KYAT1: variants seen among roughly 807,000 people sequenced by gnomAD.
The protein encoded by KYAT1 is kynurenine--oxoglutarate transaminase 1.
A neutral mutation model predicts 52.4 loss-of-function variants in KYAT1; 47 were observed. The ratio of observed to expected loss-of-function variants is 0.90; its 90% CI spans 0.71 to 1.14. The LOEUF is 1.14. KYAT1 is among the 50% of genes most tolerant of loss of function. The probability of loss-of-function intolerance (pLI) is 0.00; values close to 1 mark genes in which losing one functional copy is unlikely to be tolerated. For missense variants in KYAT1, 480 were observed against 557.9 expected (o/e 0.86, Z 1.41); for synonymous variants, 212 against 209.6 (o/e 1.01, Z -0.10).
In KYAT1 at chr9:128,836,099, G is replaced by T. The variant is rs368544849; in HGVS notation, c.689-26C>A. The stretch of plus-strand genomic sequence containing the variant: ...CTGCCCAAGGCCGAACAGAACAGCT[G>T]CTGAGACTGGGGTGAGGGGGACGGG... On this transcript the variant is annotated intron_variant, in intron 7 of 12. Transcript: ENST00000302586. The T allele has an allele frequency of 1.9e-6, 3 of 1,610,254 alleles. No individual in the cohort carries two copies. The African/African-American group carries it at 4.0e-5, about 21-fold the overall frequency.
chr9:128,863,763 C>G (rs893293022), intron 1 of KYAT1, among the ~76,000 whole-genome samples: 6 of 152,170 alleles, frequency 3.9e-5, no homozygotes, highest in African/African-American at 1.4e-4. Context: ...CGCAAGGAGC[C>G]AGGCCCCTCG....
intron 1 of KYAT1, among the ~76,000 whole-genome samples, chr9:128,861,128 C>A (rs932175502): frequency 6.6e-6 from 1 of 152,204 alleles, no homozygotes; most frequent in Non-Finnish European, 1.5e-5. Flanking sequence ...AAACGCAATA[C>A]AATGAAGTGT....
intron 1 of KYAT1, among the ~76,000 whole-genome samples, chr9:128,846,055 C>T (rs939323231): frequency 1.3e-5 from 2 of 152,232 alleles, no homozygotes; most frequent in African/African-American, 2.4e-5. Flanking sequence ...CGGAGGGTCC[C>T]GGGGTCCTGG....
chr9:128,836,783 C>G lies in KYAT1; in HGVS notation c.688+19G>C, dbSNP rs769978977. ...CCCACCAATGTGCAGGGGAGGGGCC[C>G]CAGGCTGGCTTGGCTCACCAATGCT... On this transcript the variant is annotated intron_variant, in intron 7 of 12. Transcript: ENST00000302586. 1.1e-5 allele frequency: 17 copies of G among 1,610,388 alleles called. No homozygotes were observed. The Admixed American group carries it at 1.8e-4, about 17-fold the overall frequency.
chr9:128,882,350 T>G, upstream of KYAT1: 2 of 189,338 alleles, frequency 1.1e-5, no homozygotes, highest in Non-Finnish European at 2.2e-5. Flanking sequence ...GCCCGGGGCA[T>G]CTGGGGCTCT....
chr9:128,858,277 G>A (rs1340884591), intron 1 of KYAT1, among the ~76,000 whole-genome samples: 1 of 148,394 alleles, frequency 6.7e-6, no homozygotes, highest in Non-Finnish European at 1.5e-5. Flanking sequence ...TGCACCTGTA[G>A]TCCCAGCTAC....
chr9:128,837,909 AAC>A (rs922429997), intron 5 of KYAT1, 96 bp from the exon 6 acceptor site: 5 of 1,506,258 alleles, frequency 3.3e-6, no homozygotes, highest in East Asian at 4.5e-5. Flanking sequence ...CTGGGATCCC[AAC>A]ACACACACCT....
intron 1 of KYAT1, among the ~76,000 whole-genome samples, chr9:128,878,031 T>A (rs1838279991): frequency 6.6e-6 from 1 of 152,184 alleles, no homozygotes; most frequent in Admixed American, 6.5e-5. Context: ...GGCCGCAGCC[T>A]CTTGGGGGCT....
chr9:128,876,252 T>TAA (rs1564505365), intron 1 of KYAT1, among the ~76,000 whole-genome samples: 2 of 149,244 alleles, frequency 1.3e-5, no homozygotes, highest in African/African-American at 5.0e-5. Context: ...TTCTTTGCTT[T>TAA]TAAAAAAAAA....
chr9:128,834,227 G>C (rs1426435938), intron 11 of KYAT1, among the ~76,000 whole-genome samples: 1 of 152,114 alleles, frequency 6.6e-6, no homozygotes, highest in Non-Finnish European at 1.5e-5. Flanking sequence ...CTTCACCGCA[G>C]CCTGGGCGAA....
At chr9:128,864,607 T>G (rs1438249678) in intron 1 of KYAT1, among the ~76,000 whole-genome samples, 1 of 151,948 alleles carries the variant, frequency 6.6e-6, no homozygotes, top group African/African-American at 2.4e-5. Context: ...ACTTTTATTA[T>G]TTATTTACTT....
chr9:128,882,452 G>C, upstream of KYAT1: 1 of 351,852 alleles, frequency 2.8e-6, no homozygotes. Flanking sequence ...CCACCTTCTC[G>C]CCGGCTCCGC....
rs148988551 is a variant in KYAT1, at chr9:128,856,935, A to G, written c.-6-11524T>C. ...AAAGAGGAAAGCCTCTTGAAGTTGA[A>G]ATAGAGGAAGGCCACTGTCTCCTGC... is the stretch of plus-strand genomic sequence containing the variant. On this transcript the variant is annotated intron_variant, in intron 1 of 12. Transcript: ENST00000302586. Among the ~76,000 whole-genome samples, 83 of 152,310 alleles carry G rather than the reference A, an allele frequency of 5.4e-4. 1 individual carries two copies. The highest frequency in any genetic ancestry group is 2.7e-3 in the South Asian group (13 of 4,822).
At chr9:128,835,169 G>A in intron 11 of KYAT1, 154 bp downstream of exon 11, 1 of 700,068 alleles carries the variant, frequency 1.4e-6, no homozygotes, top group Non-Finnish European at 2.5e-6. Context: ...AAAAGAAACA[G>A]CCTCCTCATT....
At position 128,838,330 on chromosome 9, in the gene KYAT1, A is replaced by G. The variant is rs748862436; in HGVS notation, c.239T>C (p.Phe80Ser). 1.7e-5 allele frequency: 28 copies of G among 1,614,052 alleles called. No individual in the cohort carries two copies. Among genetic ancestry groups the G allele is most frequent in the Admixed American group, 6.7e-5 (4 of 59,998 alleles). ...TATCTCCTGACCCAGCAGCTCCCCAAAGAAACTTGCCAGGATCTTCGTCAG... is the reference window on the plus strand; with the variant it reads ...TATCTCCTGACCCAGCAGCTCCCCAGAGAAACTTGCCAGGATCTTCGTCAG... ...PPLTKILASFFGELLGQEIDP... is the reference protein window; with the variant it reads ...PPLTKILASFSGELLGQEIDP... The change falls in exon 4 of 13, where the codon TTT becomes TCT. Residue 80 changes from phenylalanine (F) to serine (S), a missense_variant. Transcript: ENST00000302586.
chr9:128,837,535 G>A lies in KYAT1; in HGVS notation c.567+150C>T. On this transcript the variant is annotated intron_variant, in intron 6 of 12. Transcript: ENST00000302586. ...CTGGGGATTCTTGCCCCTGTCCTGG[G>A]ACCTCTGGAGTCTTGGTCCTCAGTG... 4.5e-6 allele frequency: 4 copies of A among 891,978 alleles called. No homozygotes were observed. The South Asian group carries it at 6.9e-5, about 15-fold the overall frequency. 55.3% of individuals were successfully genotyped at this position (891,978 alleles called of 1,614,324 possible). A position where few individuals can be genotyped will look rare whatever the true frequency, so the allele number is the denominator to read the frequency against.
At chr9:128,849,112 C>CA (rs1313341423) in intron 1 of KYAT1, among the ~76,000 whole-genome samples, 10 of 142,866 alleles carry the variant, frequency 7.0e-5, no homozygotes, top group South Asian at 6.7e-4. Flanking sequence ...GAGACTGTCT[C>CA]AAAAAAAAAG....
rs1327673772 is a variant in KYAT1, at chr9:128,845,215, C to A, written c.53+138G>T. On this transcript the variant is annotated intron_variant, in intron 2 of 12. Coordinates refer to ENST00000302586, the MANE Select transcript of KYAT1 (RefSeq NM_004059.5). ...CCAAGCCTACTCCCTCGGGCCCTGT[C>A]TCTCCTGAGCTATGGCTGGAATCTG... 9.1e-6 allele frequency: 6 copies of A among 662,496 alleles called. No homozygotes were observed. The Admixed American group carries it at 1.3e-4, about 14-fold the overall frequency. 41.0% of individuals were successfully genotyped at this position (662,496 alleles called of 1,614,324 possible).
intron 3 of KYAT1, among the ~76,000 whole-genome samples, chr9:128,842,362 T>C (rs1363246365): frequency 2.6e-5 from 4 of 152,186 alleles, no homozygotes; most frequent in Non-Finnish European, 5.9e-5. Flanking sequence ...CGTGCATCTC[T>C]CCAGCCCCCT....
Sources: gnomAD v4.1 joint callset for allele counts (sites outside exome capture counted in the v4.1 genomes callset) on GRCh38, gnomAD v4.1.1 for gene constraint, MANE v1.5 for transcripts, NCBI Gene and HGNC (gene_info 2026-07-23, HGNC 2026-07-21) for gene names.